CPXM2: variants seen among roughly 807,000 people sequenced by gnomAD.
CPXM2 encodes inactive carboxypeptidase-like protein X2.
In CPXM2, 66 loss-of-function variants were observed where a neutral mutation model predicts 86.1. The observed-to-expected ratio is 0.77, with a 90% CI of 0.63 to 0.94. The LOEUF is 0.94. CPXM2 is among the 40% of genes least tolerant of loss of function. CPXM2 has a pLI of 0.00. For missense variants in CPXM2, 948 were observed against 1,026.3 expected, an observed-to-expected ratio of 0.92 and a Z score of 1.04; for synonymous variants, 388 against 400.2, an observed-to-expected ratio of 0.97 and a Z score of 0.36.
intron 2 of CPXM2, among the ~76,000 whole-genome samples, chr10:123,878,938 C>T (rs954254138): frequency 3.9e-5 from 6 of 152,094 alleles, no homozygotes; most frequent in Admixed American, 3.3e-4. Flanking sequence ...CATCTAGAGA[C>T]GACCCCAAAG....
intron 11 of CPXM2, among the ~76,000 whole-genome samples, chr10:123,758,731 GGAT>G (rs1846269343): frequency 2.0e-5 from 3 of 152,182 alleles, no homozygotes; most frequent in Admixed American, 2.0e-4. Flanking sequence ...TTTTTGAACA[GGAT>G]GATGATTAGC....
intron 2 of CPXM2, among the ~76,000 whole-genome samples, chr10:123,937,773 T>G (rs1335414371): frequency 6.6e-6 from 1 of 152,266 alleles, no homozygotes; most frequent in East Asian, 1.9e-4. Flanking sequence ...GGCCCTGTTT[T>G]GAACATGGAG....
At chr10:123,894,897 A>G (rs1945322779), upstream of CPXM2, among the ~76,000 whole-genome samples, 2 of 151,950 alleles carry the variant, frequency 1.3e-5, no homozygotes, top group Admixed American at 1.3e-4. Flanking sequence ...GGCCTCTCTG[A>G]TCTGCCGTCC....
At chr10:123,752,204 C>T (rs1846094831) in intron 13 of CPXM2, 3 of 985,228 alleles carry the variant, frequency 3.0e-6, no homozygotes. Flanking sequence ...TGGCACATTC[C>T]AGCTATGCAA....
At chr10:123,904,410 G>C (rs1945413634) in intron 2 of CPXM2, among the ~76,000 whole-genome samples, 1 of 152,198 alleles carries the variant, frequency 6.6e-6, no homozygotes, top group Non-Finnish European at 1.5e-5. Flanking sequence ...TCACCTCTCT[G>C]TGCCTTGGGG....
chr10:123,814,619 T>TG (rs112957839), intron 4 of CPXM2, among the ~76,000 whole-genome samples: 4,862 of 152,230 alleles, frequency 0.032, 257 homozygotes, highest in African/African-American at 0.11. Context: ...TTCATTGGTT[T>TG]GGGGGTTTCT....
chr10:123,825,745 C>T (rs974720114), intron 4 of CPXM2, among the ~76,000 whole-genome samples: 2 of 152,182 alleles, frequency 1.3e-5, no homozygotes, highest in African/African-American at 4.8e-5. Flanking sequence ...ACATCTTTAA[C>T]TACCTTAATA....
intron 2 of CPXM2, among the ~76,000 whole-genome samples, chr10:123,922,358 G>A (rs1490888636): frequency 6.6e-6 from 1 of 152,158 alleles, no homozygotes; most frequent in Non-Finnish European, 1.5e-5. Context: ...AAGGGAATAA[G>A]GGCAAACATA....
At chr10:123,844,566 G>T (rs777693800) in intron 3 of CPXM2, among the ~76,000 whole-genome samples, 1 of 152,000 alleles carries the variant, frequency 6.6e-6, no homozygotes, top group Non-Finnish European at 1.5e-5. Context: ...CAATCTAAGA[G>T]GATTTTTCTG....
intron 4 of CPXM2, among the ~76,000 whole-genome samples, chr10:123,824,231 G>C (rs904190609): frequency 1.3e-5 from 2 of 152,172 alleles, no homozygotes; most frequent in Non-Finnish European, 2.9e-5. Flanking sequence ...TGCCTGGCTT[G>C]TGTTCTAAAT....
chr10:123,827,055 A>C (rs760292404), intron 4 of CPXM2, among the ~76,000 whole-genome samples: 2 of 152,228 alleles, frequency 1.3e-5, no homozygotes, highest in Non-Finnish European at 2.9e-5. Flanking sequence ...TAGTCTAAAA[A>C]CAAAAATCAT....
At chr10:123,914,914 G>T (rs972207802) in intron 2 of CPXM2, among the ~76,000 whole-genome samples, 1 of 152,028 alleles carries the variant, frequency 6.6e-6, no homozygotes. Context: ...TGTTCTCCAC[G>T]CAGCAGCCAG....
At chr10:123,856,258 C>T (rs1029231252) in intron 3 of CPXM2, among the ~76,000 whole-genome samples, 3 of 152,204 alleles carry the variant, frequency 2.0e-5, no homozygotes, top group African/African-American at 4.8e-5. Flanking sequence ...CCCTGACTGA[C>T]TTACTGTAAT....
intron 2 of CPXM2, among the ~76,000 whole-genome samples, chr10:123,908,200 G>T (rs911850271): frequency 6.6e-6 from 1 of 152,058 alleles, no homozygotes; most frequent in African/African-American, 2.4e-5. Context: ...GGTAGCACCA[G>T]TAGGACGTCC....
chr10:123,746,807 C>G lies in CPXM2; in HGVS notation c.2228G>C (p.Arg743Thr), dbSNP rs1209217195. 1 of 1,614,184 alleles carries G rather than the reference C, an allele frequency of 6.2e-7. No individual in the cohort carries two copies. Among genetic ancestry groups the G allele is most frequent in the Non-Finnish European group, 8.5e-7 (1 of 1,180,010 alleles). ...CTTCTGCCCCCGCAGCTTCAGCCGC[C>G]TGGCTGGCAGGCTGACGGGCTGCTT... ...FGKQPVSLPA[R>T]RLKLRGQKRR... Residue 743 changes from arginine to threonine, a missense_variant, in exon 14 of 14, where the codon AGG (arginine) becomes ACG (threonine). By Grantham distance (71) the Arg-to-Thr change is moderately conservative. Coordinates refer to ENST00000241305, the MANE Select transcript of CPXM2 (RefSeq NM_198148.3).
intron 3 of CPXM2, among the ~76,000 whole-genome samples, chr10:123,857,588 CGGCGTGG>C (rs1848756438): frequency 1.4e-5 from 2 of 139,256 alleles, no homozygotes; most frequent in East Asian, 2.3e-4. Flanking sequence ...AGATGGAAGG[CGGCGTGG>C]AGATGGAAGG....
At chr10:123,866,675 C>T (rs1446865616) in intron 2 of CPXM2, among the ~76,000 whole-genome samples, 1 of 152,172 alleles carries the variant, frequency 6.6e-6, no homozygotes, top group Admixed American at 6.5e-5. Context: ...CAGGTGTGAA[C>T]GCTGCAGCTG....
intron 7 of CPXM2, among the ~76,000 whole-genome samples, chr10:123,775,672 T>A (rs543750867): frequency 2.2e-4 from 33 of 152,342 alleles, no homozygotes; most frequent in African/African-American, 7.5e-4. Context: ...TGGCAAAGTA[T>A]TGGTTAACAA....
At chr10:123,942,530 GCAC>G (rs1945786800), upstream of CPXM2, among the ~76,000 whole-genome samples, 1 of 152,170 alleles carries the variant, frequency 6.6e-6, no homozygotes, top group Non-Finnish European at 1.5e-5. Flanking sequence ...ACTCCCACCA[GCAC>G]CACGACAGTT....
Sources: allele counts gnomAD v4.1 joint callset (sites outside exome capture counted in the v4.1 genomes callset), GRCh38; gene constraint gnomAD v4.1.1; transcripts MANE v1.5; gene names NCBI Gene and HGNC (gene_info 2026-07-23, HGNC 2026-07-21).